TMEM204: variants seen among roughly 807,000 people sequenced by gnomAD.
TMEM204 encodes the protein claudin-like protein 24.
TMEM204 carries 15 observed loss-of-function variants against 19.4 expected under a neutral mutation model. The ratio of observed to expected loss-of-function variants is 0.77; its 90% CI spans 0.52 to 1.19. The LOEUF is 1.19. Ranked by LOEUF, TMEM204 falls within the 50% of genes most tolerant of loss-of-function variation. TMEM204 has a pLI of 0.00. For synonymous variants in TMEM204, 161 were observed against 146.0 expected (o/e 1.10, Z -0.74); for missense variants, 287 against 321.2 (o/e 0.89, Z 0.81).
At chr16:1,533,458 G>A (rs2030723706), upstream of TMEM204, 1 of 152,348 alleles carries the variant, frequency 6.6e-6, no homozygotes, top group Non-Finnish European at 1.5e-5. This position sits in a 1 kb window ranked among gnomAD's most constrained non-coding sequence, Gnocchi z 4.7. Context: ...CGAGGGATCT[G>A]TCCCGCACCC....
intron 1 of TMEM204, among the ~76,000 whole-genome samples, chr16:1,536,201 G>C (rs2031055071): frequency 6.6e-6 from 1 of 152,202 alleles, no homozygotes; most frequent in South Asian, 2.1e-4. Flanking sequence ...CCAATCTCAG[G>C]GCAGCTGGAA....
chr16:1,540,547 G>A (rs538497730), intron 1 of TMEM204, among the ~76,000 whole-genome samples: 1 of 152,324 alleles, frequency 6.6e-6, no homozygotes, highest in Non-Finnish European at 1.5e-5. Flanking sequence ...AGTCACCCTA[G>A]AGGCCAGCAC....
At position 1,542,085 on chromosome 16, in the gene TMEM204, C is replaced by T. The variant is rs1262059591; in HGVS notation, c.436+9C>T. ...TGCATTCCAACTGGCGAGTAAGTAC[C>T]TGGGCGGGTGTGGCCACCGCGCCCT... On this transcript the variant is annotated intron_variant, in intron 2 of 2. Coordinates refer to ENST00000566264, the MANE Select transcript of TMEM204 (RefSeq NM_024600.6). 4.4e-6 allele frequency: 7 copies of T among 1,595,822 alleles called. No individual in the cohort carries two copies. Among genetic ancestry groups the T allele is most frequent in the Non-Finnish European group, 6.0e-6 (7 of 1,172,290 alleles).
In TMEM204 at chr16:1,553,896, T is replaced by C. The variant is rs2032880279; in HGVS notation, c.437-886T>C. On this transcript the variant is annotated intron_variant, in intron 2 of 2. Coordinates refer to ENST00000566264, the MANE Select transcript of TMEM204 (RefSeq NM_024600.6). The surrounding 1 kb of genome is among the most constrained non-coding windows in gnomAD (Gnocchi z 4.4). ...TCTAGTCACGAAACCCTGATTTTCCTGTTGTAAGAACTAAAAAGGTCTTTG... is the reference window on the plus strand; with the variant it reads ...TCTAGTCACGAAACCCTGATTTTCCCGTTGTAAGAACTAAAAAGGTCTTTG... The C allele has an allele frequency of 7.9e-7, 1 of 1,267,212 alleles. No individual in the cohort carries two copies. The highest frequency in any genetic ancestry group is 1.3e-5 in the South Asian group (1 of 79,688). 78.5% of individuals were successfully genotyped at this position (1,267,212 alleles called of 1,614,324 possible).
chr16:1,541,521 G>C, intron 1 of TMEM204: 1 of 984,912 alleles, frequency 1.0e-6, no homozygotes, highest in Non-Finnish European at 1.2e-6. Context: ...CTTGGATGCT[G>C]TGAATTCAGT....
intron 2 of TMEM204, among the ~76,000 whole-genome samples, chr16:1,550,407 A>T (rs1419561103): frequency 6.6e-6 from 1 of 152,274 alleles, no homozygotes; most frequent in Non-Finnish European, 1.5e-5. Flanking sequence ...TTCAAAAGCT[A>T]TGACACTGAT....
intron 2 of TMEM204, among the ~76,000 whole-genome samples, chr16:1,544,749 C>T (rs549812532): frequency 8.4e-4 from 128 of 151,972 alleles, no homozygotes; most frequent in Admixed American, 4.1e-3. Context: ...CCCGGGTTCA[C>T]GCCATTCTCC....
At chr16:1,532,510 C>T (rs1477037545), upstream of TMEM204, 5 of 152,288 alleles carry the variant, frequency 3.3e-5, no homozygotes, top group South Asian at 4.1e-4. Flanking sequence ...GGAGACTGGT[C>T]CCAGGAAGTG....
At chr16:1,546,133 G>T (rs2032152655) in intron 2 of TMEM204, among the ~76,000 whole-genome samples, 1 of 152,246 alleles carries the variant, frequency 6.6e-6, no homozygotes. Context: ...GGCAGAGAGG[G>T]AAAGGAGTAT....
chr16:1,535,915 T>G (rs1455516038), intron 1 of TMEM204, among the ~76,000 whole-genome samples: 1 of 152,260 alleles, frequency 6.6e-6, no homozygotes, highest in East Asian at 1.9e-4. Context: ...GGCTTGGGTC[T>G]CCGCGTGACT....
chr16:1,549,152 G>C (rs1279440559), intron 2 of TMEM204, among the ~76,000 whole-genome samples: 2 of 152,254 alleles, frequency 1.3e-5, no homozygotes, highest in African/African-American at 4.8e-5. Context: ...TGGCGTCCGA[G>C]GGCGCTGTCC....
chr16:1,541,653 T>A (rs533472364), intron 1 of TMEM204: 1 of 335,344 alleles, frequency 3.0e-6, no homozygotes, highest in Non-Finnish European at 4.2e-6. Flanking sequence ...AATAGCAGAG[T>A]AGGGCCCGTC....
intron 1 of TMEM204, among the ~76,000 whole-genome samples, chr16:1,535,463 C>A (rs1217040221): frequency 2.0e-5 from 3 of 152,234 alleles, no homozygotes; most frequent in African/African-American, 7.2e-5. Flanking sequence ...CAAGTCTCTG[C>A]TGCAGAGCCT....
chr16:1,531,639 C>G (rs760045158), upstream of TMEM204: 3 of 152,292 alleles, frequency 2.0e-5, no homozygotes, highest in Admixed American at 1.3e-4. This position sits in a 1 kb window ranked among gnomAD's most constrained non-coding sequence, Gnocchi z 4.7. Flanking sequence ...GAGGGTCGCT[C>G]TTAACTTACA....
Position 1,555,460 on chromosome 16 carries a change from TTGAG to T in TMEM204, c.*440_*443del, listed in dbSNP as rs2033016651. 5.5e-6 allele frequency: 1 copy of T among 182,580 alleles called. No individual in the cohort carries two copies. 11.3% of individuals were successfully genotyped at this position (182,580 alleles called of 1,614,324 possible). ...TTTCTTAAAATATCCACAATATTCC[TTGAG>T]TGAGTCAGAATCTATAGCCGGTTAG... On this transcript the variant is annotated 3_prime_UTR_variant, in exon 3 of 3. Transcript: ENST00000566264.
chr16:1,549,505 C>T (rs545536593), intron 2 of TMEM204, among the ~76,000 whole-genome samples: 18 of 152,166 alleles, frequency 1.2e-4, no homozygotes, highest in Non-Finnish European at 2.4e-4. Context: ...CTCGGCTCAC[C>T]GCCGCAAGCT....
chr16:1,535,799 C>T (rs2031006973), intron 1 of TMEM204, among the ~76,000 whole-genome samples: 1 of 152,254 alleles, frequency 6.6e-6, no homozygotes, highest in African/African-American at 2.4e-5. Context: ...CTCTCGCATC[C>T]TTCACCAGCA....
intron 2 of TMEM204, among the ~76,000 whole-genome samples, chr16:1,547,052 C>T (rs926027814): frequency 3.3e-5 from 5 of 152,202 alleles, no homozygotes; most frequent in African/African-American, 1.2e-4. Flanking sequence ...GCTGGGTTTC[C>T]CCTTGTTTTG....
chr16:1,552,061 T>TG (rs2032692348), intron 2 of TMEM204, among the ~76,000 whole-genome samples: 1 of 152,132 alleles, frequency 6.6e-6, no homozygotes, highest in South Asian at 2.1e-4. Context: ...CTGGAAGCCA[T>TG]GGGGGGCACA....
Sources: gnomAD v4.1 joint callset for allele counts (sites outside exome capture counted in the v4.1 genomes callset) on GRCh38, gnomAD v4.1.1 for gene constraint, Gnocchi (gnomAD v3.1) non-coding constraint, MANE v1.5 for transcripts, NCBI Gene and HGNC (gene_info 2026-07-23, HGNC 2026-07-21) for gene names.